The following RBFOX1 variants were observed in gnomAD, a reference collection of about 807,000 sequenced individuals.
RBFOX1 encodes RNA binding fox-1 homolog 1.
In RBFOX1, 8 loss-of-function variants were observed where a neutral mutation model predicts 57.7. The observed-to-expected ratio is 0.14, with a 90% CI of 0.08 to 0.25. The LOEUF (loss-of-function observed/expected upper bound fraction) is 0.25, where lower values mean the gene tolerates loss of function less well. Among genes scored for constraint, RBFOX1 ranks in the 10% least tolerant of loss-of-function variants. The probability of loss-of-function intolerance (pLI) is 1.00; values close to 1 mark genes in which losing one functional copy is unlikely to be tolerated. For missense variants in RBFOX1, 611 were observed against 548.5 expected (o/e 1.11, Z -1.14); for synonymous variants, 326 against 222.4 (o/e 1.47, Z -4.15).
intron 4 of RBFOX1, among the ~76,000 whole-genome samples, chr16:5,873,227 A>T (rs988054886): frequency 6.6e-6 from 1 of 152,170 alleles, no homozygotes; most frequent in Non-Finnish European, 1.5e-5. Flanking sequence ...AATCATCGAG[A>T]CCTGTTGTTT....
At chr16:6,499,808 G>C (rs1322939155) in intron 2 of RBFOX1, among the ~76,000 whole-genome samples, 1 of 152,082 alleles carries the variant, frequency 6.6e-6, no homozygotes, top group Non-Finnish European at 1.5e-5. Context: ...CAGTCATTAG[G>C]GCATTCGCGG....
chr16:7,179,498 G>T (rs2082283349), intron 4 of RBFOX1, among the ~76,000 whole-genome samples: 1 of 152,112 alleles, frequency 6.6e-6, no homozygotes, highest in East Asian at 1.9e-4. Flanking sequence ...GATTTGCCAG[G>T]CTGCAGACCA....
chr16:6,350,294 G>A (rs1380251705), intron 2 of RBFOX1, among the ~76,000 whole-genome samples: 1 of 151,432 alleles, frequency 6.6e-6, no homozygotes, highest in African/African-American at 2.4e-5. Flanking sequence ...AAATTAGCCG[G>A]GTGTGGTTGC....
intron 1 of RBFOX1, among the ~76,000 whole-genome samples, chr16:5,263,304 C>T (rs1302411734): frequency 1.3e-5 from 2 of 152,014 alleles, no homozygotes; most frequent in Non-Finnish European, 2.9e-5. Flanking sequence ...TTTGCCATTA[C>T]TTGTAATGGC....
chr16:5,790,523 G>T (rs1328836160), intron 3 of RBFOX1, among the ~76,000 whole-genome samples: 1 of 133,042 alleles, frequency 7.5e-6, no homozygotes, highest in South Asian at 2.5e-4. Flanking sequence ...AAAAAAAAAA[G>T]GACTCAGAAT....
At chr16:7,129,918 C>T (rs1313238503) in intron 4 of RBFOX1, among the ~76,000 whole-genome samples, 1 of 151,944 alleles carries the variant, frequency 6.6e-6, no homozygotes, top group African/African-American at 2.4e-5. Flanking sequence ...TAAGTGGAAC[C>T]CTGCTTTGTT....
intron 2 of RBFOX1, among the ~76,000 whole-genome samples, chr16:6,551,082 T>A (rs951859451): frequency 2.6e-5 from 4 of 152,214 alleles, no homozygotes; most frequent in Admixed American, 2.6e-4. Context: ...TGGACCCATT[T>A]TATGTGATAA....
At chr16:7,367,915 G>C (rs999562694) in intron 4 of RBFOX1, among the ~76,000 whole-genome samples, 10 of 112,630 alleles carry the variant, frequency 8.9e-5, no homozygotes, top group South Asian at 3.0e-4. Flanking sequence ...CACACACACA[G>C]ACACTACACA....
At chr16:5,985,240 C>A (rs1243998513) in intron 4 of RBFOX1, among the ~76,000 whole-genome samples, 1 of 151,756 alleles carries the variant, frequency 6.6e-6, no homozygotes. Flanking sequence ...GATCCATCCC[C>A]CTCGGCCTCC....
At chr16:6,036,411 T>C (rs2095366078) in intron 1 of RBFOX1, among the ~76,000 whole-genome samples, 1 of 151,880 alleles carries the variant, frequency 6.6e-6, no homozygotes, top group Admixed American at 6.6e-5. Flanking sequence ...TTTTTTGCCA[T>C]TGCTTTTTTG....
At chr16:6,559,615 C>T (rs2097152887) in intron 2 of RBFOX1, among the ~76,000 whole-genome samples, 1 of 114,762 alleles carries the variant, frequency 8.7e-6, no homozygotes, top group South Asian at 3.9e-4. Flanking sequence ...TATATATATA[C>T]ATACATACAT....
intron 4 of RBFOX1, among the ~76,000 whole-genome samples, chr16:7,170,099 A>G (rs12921701): frequency 0.7 from 106,231 of 152,036 alleles, 38,171 homozygotes; most frequent in Non-Finnish European, 0.79. Flanking sequence ...ATAAATAAGT[A>G]TTTGGTGTAT....
At chr16:5,811,831 A>T (rs1306173747) in intron 3 of RBFOX1, among the ~76,000 whole-genome samples, 2 of 152,206 alleles carry the variant, frequency 1.3e-5, no homozygotes, top group African/African-American at 4.8e-5. Context: ...AATACAATAT[A>T]GATCTTGACT....
intron 1 of RBFOX1, among the ~76,000 whole-genome samples, chr16:6,256,257 GTGTATATATATATGTATATATATA>G (rs2097665589): frequency 1.0e-5 from 1 of 98,842 alleles, no homozygotes; most frequent in East Asian, 2.9e-4. Flanking sequence ...GTATATATAT[GTGTATATATATATGTATATATATA>G]TGTGTGTATA....
At chr16:7,571,519 A>T (rs1275908525) in intron 5 of RBFOX1, among the ~76,000 whole-genome samples, 1 of 152,216 alleles carries the variant, frequency 6.6e-6, no homozygotes, top group Non-Finnish European at 1.5e-5. Context: ...TCTTTGTGGA[A>T]GCACTAAGTG....
intron 3 of RBFOX1, among the ~76,000 whole-genome samples, chr16:6,981,897 G>T (rs886489175): frequency 7.2e-5 from 11 of 152,194 alleles, no homozygotes; most frequent in Non-Finnish European, 1.5e-4. Context: ...TGGCTATTGT[G>T]AATAGTGCTG....
In RBFOX1 at chr16:6,829,588, T is replaced by C. The variant is rs988569188; in HGVS notation, c.-16+174938T>C. 3.9e-5 allele frequency among the ~76,000 whole-genome samples: 6 copies of C among 152,112 alleles called. No homozygotes were observed. In the East Asian group the frequency reaches 9.7e-4, roughly 25 times the overall value. ...TATTTGCATAATCATGTGAGTAATATGAATGTATTTTCTTTTTTCTTTTGT... is the reference window on the plus strand; with the variant it reads ...TATTTGCATAATCATGTGAGTAATACGAATGTATTTTCTTTTTTCTTTTGT... On this transcript the variant is annotated intron_variant, in intron 3 of 15. Coordinates refer to ENST00000550418, the MANE Select transcript of RBFOX1 (RefSeq NM_018723.4).
chr16:7,167,804 A>C (rs1174087847), intron 4 of RBFOX1, among the ~76,000 whole-genome samples: 1 of 152,190 alleles, frequency 6.6e-6, no homozygotes, highest in African/African-American at 2.4e-5. Flanking sequence ...GGCAGAGTTG[A>C]ATAACTGCGA....
chr16:6,158,103 C>T (rs182810988), intron 1 of RBFOX1, among the ~76,000 whole-genome samples: 16 of 152,248 alleles, frequency 1.1e-4, no homozygotes, highest in Admixed American at 2.6e-4. Context: ...AAAACCCGAA[C>T]GCTTTTACAA....
Sources: allele counts gnomAD v4.1 joint callset (sites outside exome capture counted in the v4.1 genomes callset), GRCh38; gene constraint gnomAD v4.1.1; transcripts MANE v1.5; gene names NCBI Gene and HGNC (gene_info 2026-07-23, HGNC 2026-07-21).